SEZ6L2: variants seen among roughly 807,000 people sequenced by gnomAD.
The protein encoded by SEZ6L2 is seizure 6-like protein 2.
Under a neutral mutation model 97.0 loss-of-function variants are expected in SEZ6L2, and 44 were observed. The observed-to-expected ratio is 0.45, with a 90% CI of 0.36 to 0.58. SEZ6L2 has a LOEUF of 0.58. SEZ6L2 is among the 20% of genes least tolerant of loss of function. SEZ6L2 has a pLI of 0.00. For missense variants in SEZ6L2, 1,086 were observed against 1,233.3 expected (o/e 0.88, Z 1.79); for synonymous variants, 543 against 546.1 (o/e 0.99, Z 0.08).
chr16:29,879,761 G>A, intron 9 of SEZ6L2, 103 bp downstream of exon 9: 2 of 1,041,498 alleles, frequency 1.9e-6, no homozygotes, highest in Non-Finnish European at 2.8e-6. Context: ...TTGGGTGGAT[G>A]AAGTCTGGAT....
chr16:29,884,803 C>T (rs771159326), intron 8 of SEZ6L2, among the ~76,000 whole-genome samples: 49 of 151,982 alleles, frequency 3.2e-4, no homozygotes, highest in Non-Finnish European at 5.0e-4. Context: ...ATCCCAGCTA[C>T]TCGGGAGGCT....
At chr16:29,885,051 C>CA (rs1269853217) in intron 8 of SEZ6L2, among the ~76,000 whole-genome samples, 2 of 145,712 alleles carry the variant, frequency 1.4e-5, no homozygotes, top group African/African-American at 2.6e-5. Flanking sequence ...ACTAAAAATA[C>CA]AAAAAAATTA....
At position 29,896,810 on chromosome 16, in the gene SEZ6L2, C is replaced by T. The variant is rs748539558; in HGVS notation, c.511+12G>A. The stretch of plus-strand genomic sequence containing the variant: ...CGGTCCTCCCACCCCCATCCCCTTG[C>T]TGTCGCCTCACCTGGGCTGGTCACC... On this transcript the variant is annotated intron_variant, in intron 3 of 17. Coordinates refer to ENST00000617533, the MANE Select transcript of SEZ6L2 (RefSeq NM_001243332.2). 3.7e-6 allele frequency: 6 copies of T among 1,611,442 alleles called. No individual in the cohort carries two copies. In the African/African-American group the frequency reaches 5.3e-5, roughly 14 times the overall value.
chr16:29,875,779 C>T (rs1449649392), intron 12 of SEZ6L2, among the ~76,000 whole-genome samples: 1 of 151,206 alleles, frequency 6.6e-6, no homozygotes, highest in African/African-American at 2.4e-5. Flanking sequence ...TCTCCTTCCT[C>T]AGCCTCCTGA....
chr16:29,879,847 C>T lies in SEZ6L2; in HGVS notation c.1573+17G>A, dbSNP rs145454172. On this transcript the variant is annotated intron_variant, in intron 9 of 17. Coordinates refer to ENST00000617533, the MANE Select transcript of SEZ6L2 (RefSeq NM_001243332.2). ...CAACGTGGACTGAAGGACATGCCTG[C>T]GACAAGGAAGGCTCACCTTTGCAGG... 4.2e-4 allele frequency: 666 copies of T among 1,573,168 alleles called. 3 individuals are homozygous for T. In the African/African-American group the frequency reaches 7.8e-3, roughly 19 times the overall value.
intron 8 of SEZ6L2, among the ~76,000 whole-genome samples, chr16:29,883,800 C>T (rs1019985520): frequency 6.6e-6 from 1 of 151,960 alleles, no homozygotes; most frequent in African/African-American, 2.4e-5. Flanking sequence ...GGCATGGTGC[C>T]GAACGCTTGT....
rs1201389480 is a variant in SEZ6L2 at position 29,895,777 on chromosome 16, G to C, written c.595C>G (p.Leu199Val). 21 of 1,613,974 alleles carry C rather than the reference G, an allele frequency of 1.3e-5. No homozygotes were observed. In the African/African-American group the frequency reaches 2.4e-4, roughly 18 times the overall value. Reference sequence around the variant, plus strand: ...TGGATGCTGTAAGTGCAGTCCAGGAGCCCCAGGGTGCGGCTGACGGGGCTC... The same window carrying C: ...TGGATGCTGTAAGTGCAGTCCAGGACCCCCAGGGTGCGGCTGACGGGGCTC... Reference protein sequence around the residue: ...LGSPVSRTLGLLDCTYSIHVY... With the variant: ...LGSPVSRTLGVLDCTYSIHVY... The change falls in exon 4 of 18, where the codon CTC (leucine) becomes GTC (valine). Residue 199 changes from leucine (L) to valine (V), a missense_variant. Transcript: ENST00000617533.
At chr16:29,872,787 G>C (rs374506689) in intron 14 of SEZ6L2, 44 bp from the exon 15 acceptor site, 4 of 1,535,786 alleles carry the variant, frequency 2.6e-6, no homozygotes, top group South Asian at 1.1e-5. Flanking sequence ...GAGCCAGGGA[G>C]GGGAGGAGGC....
At chr16:29,882,773 T>G (rs1305478270) in intron 8 of SEZ6L2, among the ~76,000 whole-genome samples, 1 of 152,056 alleles carries the variant, frequency 6.6e-6, no homozygotes, top group Non-Finnish European at 1.5e-5. Flanking sequence ...TTTGTTTTGT[T>G]TTGTAGAGAC....
In SEZ6L2 at chr16:29,896,976, C is replaced by T. The variant is rs780224187; in HGVS notation, c.357G>A (p.Ala119=). Reference sequence around the variant, plus strand: ...CTGGGGGCGGGGTCAGCAGTTCTGGCGCAGTGGGGCCTGCCCCCCTGACCC... The same window carrying T: ...CTGGGGGCGGGGTCAGCAGTTCTGGTGCAGTGGGGCCTGCCCCCCTGACCC... The part of the protein sequence containing the change: ...PNGVRGAGPT[A]PELLTPPPGT... Residue 119 remains alanine, a synonymous_variant, in exon 3 of 18, where the codon GCG becomes GCA. Coordinates refer to ENST00000617533, the MANE Select transcript of SEZ6L2 (RefSeq NM_001243332.2). 19 of 1,591,696 alleles carry T rather than the reference C, an allele frequency of 1.2e-5. No individual in the cohort carries two copies. The highest frequency in any genetic ancestry group is 2.7e-5 in the African/African-American group (2 of 74,628).
intron 5 of SEZ6L2, among the ~76,000 whole-genome samples, chr16:29,894,175 A>C (rs2068330688): frequency 6.6e-6 from 1 of 152,150 alleles, no homozygotes; most frequent in South Asian, 2.1e-4. Context: ...CAGGCCACAC[A>C]CTGTTTTAAA....
rs755290172 is a variant in SEZ6L2 at position 29,877,408 on chromosome 16, C to T, written c.1772G>A (p.Arg591Gln). 2.5e-6 allele frequency: 4 copies of T among 1,612,560 alleles called. No individual in the cohort carries two copies. In the East Asian group the frequency reaches 6.7e-5, roughly 27 times the overall value. Residue 591 changes from arginine to glutamine, a missense_variant, in exon 11 of 18, where the codon CGA (arginine) becomes CAA (glutamine). By Grantham distance (43) the Arg-to-Gln change is conservative (BLOSUM62 1). Around this residue, in one of 2 missense-constraint regions of SEZ6L2, gnomAD observed 776 missense variants for 794.7 expected, o/e 0.98. Transcript: ENST00000617533. ...AGGTCCCCGCAGCTGGGCCAAGACT[C>T]GGGCGCTGGGACCGTCCCCGTCGAA... ...TLFDGDGPSARVLAQLRGPQP... is the reference protein window; with the variant it reads ...TLFDGDGPSAQVLAQLRGPQP...
chr16:29,893,001 T>C (rs940934952), intron 5 of SEZ6L2, among the ~76,000 whole-genome samples: 1 of 152,152 alleles, frequency 6.6e-6, no homozygotes, highest in African/African-American at 2.4e-5. Context: ...GATCTTTAAA[T>C]TGCAAATCTG....
intron 8 of SEZ6L2, among the ~76,000 whole-genome samples, chr16:29,881,816 G>A (rs552315497): frequency 6.9e-6 from 1 of 145,640 alleles, no homozygotes; most frequent in South Asian, 2.2e-4. Context: ...TTTTAGTAGA[G>A]ATGGGGTTTT....
intron 5 of SEZ6L2, among the ~76,000 whole-genome samples, chr16:29,889,783 A>G (rs1240121588): frequency 6.6e-6 from 1 of 150,910 alleles, no homozygotes; most frequent in Non-Finnish European, 1.5e-5. Context: ...TTGTGCCACC[A>G]TGCCCCGCTA....
Position 29,880,074 on chromosome 16 carries a change from A to T in SEZ6L2, c.1373-10T>A, listed in dbSNP as rs368083154. ...CGATCCTCCTCAAAGGCTGGGAAGG[A>T]GTCAGTCATAACAATTAAGCATTAG... On this transcript the variant is annotated splice_polypyrimidine_tract_variant and intron_variant, in intron 8 of 17. Coordinates refer to ENST00000617533, the MANE Select transcript of SEZ6L2 (RefSeq NM_001243332.2). 3.1e-6 allele frequency: 5 copies of T among 1,613,240 alleles called. No individual in the cohort carries two copies. The highest frequency in any genetic ancestry group is 2.2e-5 in the East Asian group (1 of 44,874).
rs560180599 is a variant in SEZ6L2 at position 29,888,613 on chromosome 16, C to T, written c.966G>A (p.Leu322=). The part of the protein sequence containing the change: ...ATFHCDSGYQ[L]QGEETLICLN... ...GGCAGATGAGGGTCTCCTCTCCCTG[C>T]AGCTGGTAGCCCGAATCACAGTGAA... Residue 322 remains leucine, a synonymous_variant, in exon 6 of 18, where the codon CTG becomes CTA. Transcript: ENST00000617533. 88 of 1,614,106 alleles carry T rather than the reference C, an allele frequency of 5.5e-5. No individual in the cohort carries two copies. The highest frequency in any genetic ancestry group is 4.2e-4 in the South Asian group (38 of 91,076).
chr16:29,881,982 A>G (rs373455926), intron 8 of SEZ6L2, among the ~76,000 whole-genome samples: 2 of 51,876 alleles, frequency 3.9e-5, no homozygotes, highest in Non-Finnish European at 7.8e-5. Context: ...TTATTTTTTT[A>G]TTTTTTGAGA....
In SEZ6L2 at chr16:29,871,617, G is replaced by T; in HGVS notation, c.*82C>A. ...AGCCAGGGAGGAGGGCAGCCAGGAG[G>T]CAGAGACCGGGTCCCGTATTTCCCT... On this transcript the variant is annotated 3_prime_UTR_variant, in exon 18 of 18. Coordinates refer to ENST00000617533, the MANE Select transcript of SEZ6L2 (RefSeq NM_001243332.2). 7.1e-7 allele frequency: 1 copy of T among 1,410,830 alleles called. No homozygotes were observed. Among genetic ancestry groups the T allele is most frequent in the East Asian group, 2.4e-5 (1 of 40,984 alleles). The allele number at this position is 1,410,830 out of a possible 1,614,324, so 87.4% of individuals were successfully genotyped here.
Sources: allele counts gnomAD v4.1 joint callset (sites outside exome capture counted in the v4.1 genomes callset), GRCh38; gene constraint gnomAD v4.1.1; regional missense constraint gnomAD v4.1.1; transcripts MANE v1.5; gene names NCBI Gene and HGNC (gene_info 2026-07-23, HGNC 2026-07-21).